Variants in PTPN13 observed in about 807,000 individuals in gnomAD.
PTPN13 encodes tyrosine-protein phosphatase non-receptor type 13.
A neutral mutation model predicts 284.0 loss-of-function variants in PTPN13; 191 were observed. The ratio of observed to expected loss-of-function variants is 0.67; its 90% CI spans 0.60 to 0.76. PTPN13 has a LOEUF of 0.76. Ranked by LOEUF, PTPN13 falls within the 30% of genes least tolerant of loss-of-function variation. The pLI is 0.00. For missense variants in PTPN13, 2,797 were observed against 2,939.9 expected (o/e 0.95, Z 1.12); for synonymous variants, 986 against 1,022.3 (o/e 0.96, Z 0.68).
At chr4:86,709,729 A>G (rs1038786424) in intron 7 of PTPN13, among the ~76,000 whole-genome samples, 1 of 152,196 alleles carries the variant, frequency 6.6e-6, no homozygotes, top group African/African-American at 2.4e-5. Flanking sequence ...AAGATTCTGA[A>G]AGAGTGATAC....
intron 2 of PTPN13, among the ~76,000 whole-genome samples, chr4:86,671,969 C>T (rs1727762641): frequency 6.6e-6 from 1 of 152,172 alleles, no homozygotes; most frequent in Admixed American, 6.5e-5. Flanking sequence ...AGAAACCACA[C>T]CTTTCACCAA....
intron 15 of PTPN13, among the ~76,000 whole-genome samples, chr4:86,740,019 C>T (rs1735985871): frequency 1.3e-5 from 2 of 152,154 alleles, no homozygotes; most frequent in South Asian, 4.1e-4. Flanking sequence ...GCAGCTCTGC[C>T]CCTGTGTCTT....
At chr4:86,720,951 G>C (rs913863464) in intron 9 of PTPN13, among the ~76,000 whole-genome samples, 1 of 151,992 alleles carries the variant, frequency 6.6e-6, no homozygotes, top group Non-Finnish European at 1.5e-5. Flanking sequence ...TTTCCAAAGA[G>C]AATTTCTAAG....
intron 42 of PTPN13, among the ~76,000 whole-genome samples, chr4:86,802,989 G>A (rs745703310): frequency 4.6e-5 from 7 of 151,824 alleles, no homozygotes; most frequent in South Asian, 2.1e-4. Context: ...TGGGAGGATC[G>A]CCTGAGACAG....
At chr4:86,703,472 A>C (rs1731383113) in intron 7 of PTPN13, among the ~76,000 whole-genome samples, 1 of 152,076 alleles carries the variant, frequency 6.6e-6, no homozygotes, top group South Asian at 2.1e-4. Context: ...CAAATAGATA[A>C]AACCATTATA....
intron 7 of PTPN13, among the ~76,000 whole-genome samples, chr4:86,705,338 A>AAAAAAAAAG (rs1731636480): frequency 6.6e-6 from 1 of 151,724 alleles, no homozygotes; most frequent in South Asian, 2.1e-4. Flanking sequence ...CGTCTCAAAA[A>AAAAAAAAAG]AAAAAAAAAA....
intron 9 of PTPN13, 93 bp from the exon 10 acceptor site, chr4:86,722,118 CT>C: frequency 9.7e-7 from 1 of 1,030,182 alleles, no homozygotes; most frequent in South Asian, 1.5e-5. Context: ...TTTGTTTAAA[CT>C]CTTGCAACCT....
intron 13 of PTPN13, 78 bp downstream of exon 13, chr4:86,734,534 C>A: frequency 7.5e-7 from 1 of 1,334,116 alleles, no homozygotes; most frequent in Non-Finnish European, 1.0e-6. Context: ...TACTGAATTA[C>A]TTGATTCCAA....
intron 1 of PTPN13, among the ~76,000 whole-genome samples, chr4:86,614,184 A>T (rs892880227): frequency 6.6e-6 from 1 of 152,190 alleles, no homozygotes; most frequent in Admixed American, 6.5e-5. Context: ...TTTCTAGACA[A>T]AGTGTTTAAG....
Position 86,707,264 on chromosome 4 carries a change from A to G in PTPN13, c.1195+5463A>G, listed in dbSNP as rs1211177505. 2.6e-5 allele frequency among the ~76,000 whole-genome samples: 4 copies of G among 152,238 alleles called. No homozygotes were observed. The East Asian group carries it at 7.7e-4, about 29-fold the overall frequency. On this transcript the variant is annotated intron_variant, in intron 7 of 47. Coordinates refer to ENST00000411767, the MANE Select transcript of PTPN13 (RefSeq NM_080683.3). ...TGAAGAACAGATACAACTAATTTCT[A>G]CAAAAGTGGCTATAGTTAAGTGTTA...
intron 2 of PTPN13, among the ~76,000 whole-genome samples, chr4:86,670,055 G>A (rs1193122682): frequency 6.6e-6 from 1 of 151,386 alleles, no homozygotes; most frequent in South Asian, 2.1e-4. Context: ...ACATGCATCA[G>A]TCCCCAAGAG....
Position 86,722,420 on chromosome 4 carries a change from C to A in PTPN13, c.1594C>A (p.Gln532Lys). 6.2e-7 allele frequency: 1 copy of A among 1,612,032 alleles called. No individual in the cohort carries two copies. The highest frequency in any genetic ancestry group is 1.1e-5 in the South Asian group (1 of 90,992). ...REIALETAMT[Q>K]RKLRNFFGPE... is the part of the protein sequence containing the mutation. ...AATTGCCCTAGAAACAGCCATGACT[C>A]AAAGAAAACTGAGGGTAAGTTGATT... Residue 532 changes from glutamine (Q) to lysine (K), a missense_variant, in exon 10 of 48, where the codon CAA (glutamine) becomes AAA (lysine). Physicochemically the swap from Gln to Lys is moderately conservative, Grantham distance 53. Transcript: ENST00000411767.
At chr4:86,767,700 A>C in intron 27 of PTPN13, 117 bp from the exon 28 acceptor site, 3 of 777,710 alleles carry the variant, frequency 3.9e-6, no homozygotes, top group Middle Eastern at 4.3e-4. Flanking sequence ...CATTTGGTGG[A>C]CCAAATTTGG....
chr4:86,728,643 C>CTTTTTTTTTTTTTTTTTTTTTTTTTTT (rs57773658), intron 10 of PTPN13, among the ~76,000 whole-genome samples: 1 of 24,504 alleles, frequency 4.1e-5, no homozygotes, highest in African/African-American at 1.5e-4. Context: ...CAACCCCTGC[C>CTTTTTTTTTTTTTTTTTTTTTTTTTTT]TTTTTTTTTT....
intron 42 of PTPN13, among the ~76,000 whole-genome samples, chr4:86,799,475 G>A (rs926932803): frequency 3.3e-5 from 5 of 151,580 alleles, no homozygotes; most frequent in Non-Finnish European, 5.9e-5. Flanking sequence ...GATTACAGGC[G>A]GGTGCCACCA....
At chr4:86,601,911 C>G (rs757587200) in intron 1 of PTPN13, among the ~76,000 whole-genome samples, 8 of 152,270 alleles carry the variant, frequency 5.3e-5, no homozygotes, top group Non-Finnish European at 1.2e-4. Flanking sequence ...AGACACTCTA[C>G]TAGGCACTGG....
intron 5 of PTPN13, among the ~76,000 whole-genome samples, chr4:86,691,623 C>G (rs759629012): frequency 2.0e-5 from 3 of 152,254 alleles, no homozygotes; most frequent in Middle Eastern, 3.4e-3. Flanking sequence ...CATTATTCAT[C>G]ATAACAACCT....
intron 1 of PTPN13, among the ~76,000 whole-genome samples, chr4:86,624,908 T>G (rs1721661357): frequency 1.3e-5 from 2 of 152,172 alleles, no homozygotes; most frequent in Non-Finnish European, 2.9e-5. Context: ...GAGCTACAGA[T>G]TCCTGAATAC....
intron 1 of PTPN13, among the ~76,000 whole-genome samples, chr4:86,619,268 A>T (rs941907086): frequency 1.6e-4 from 25 of 152,232 alleles, no homozygotes; most frequent in African/African-American, 5.3e-4. Flanking sequence ...TAAATGGAAG[A>T]GTAAGCCCAA....
Sources: allele counts gnomAD v4.1 joint callset (sites outside exome capture counted in the v4.1 genomes callset), GRCh38; gene constraint gnomAD v4.1.1; transcripts MANE v1.5; gene names NCBI Gene and HGNC (gene_info 2026-07-23, HGNC 2026-07-21).